The following RNF144A variants were observed in gnomAD, a reference collection of about 807,000 sequenced individuals.
The protein encoded by RNF144A is E3 ubiquitin-protein ligase RNF144A.
A neutral mutation model predicts 38.7 loss-of-function variants in RNF144A; 11 were observed. The observed-to-expected ratio is 0.28, with a 90% CI of 0.18 to 0.47. RNF144A has a LOEUF of 0.47. Among genes scored for constraint, RNF144A ranks in the 20% least tolerant of loss-of-function variants. The probability of loss-of-function intolerance (pLI) is 0.99; values close to 1 mark genes in which losing one functional copy is unlikely to be tolerated. For missense variants in RNF144A, 316 were observed against 377.2 expected, an observed-to-expected ratio of 0.84 and a Z score of 1.34; for synonymous variants, 149 against 143.9, an observed-to-expected ratio of 1.04 and a Z score of -0.25.
chr2:7,039,770 G>A lies in RNF144A; in HGVS notation c.*10G>A, dbSNP rs747788326. 35 of 1,612,156 alleles carry A rather than the reference G, an allele frequency of 2.2e-5. No individual in the cohort carries two copies. Among genetic ancestry groups the A allele is most frequent in the Admixed American group, 2.0e-4 (12 of 59,954 alleles). ...CCCGTTACCCACCTAGAGGAAGCGC[G>A]ATGCTGGAACACATCCCTGCCTCCG... On this transcript the variant is annotated 3_prime_UTR_variant, in exon 9 of 9. Coordinates refer to ENST00000320892, the MANE Select transcript of RNF144A (RefSeq NM_014746.6).
At chr2:6,940,017 G>A (rs577187272) in intron 1 of RNF144A, among the ~76,000 whole-genome samples, 1 of 151,980 alleles carries the variant, frequency 6.6e-6, no homozygotes, top group South Asian at 2.1e-4. Flanking sequence ...TCTTTTCTAG[G>A]TTCTTTTAGC....
chr2:6,964,116 G>T (rs1475105857), intron 2 of RNF144A, among the ~76,000 whole-genome samples: 3 of 147,404 alleles, frequency 2.0e-5, no homozygotes, highest in Admixed American at 2.0e-4. Flanking sequence ...AAGAGAACAC[G>T]TTGGCTTCCA....
chr2:7,029,770 T>G (rs1331275575), intron 7 of RNF144A, among the ~76,000 whole-genome samples: 1 of 152,194 alleles, frequency 6.6e-6, no homozygotes, highest in African/African-American at 2.4e-5. Context: ...ACCTGCGTGT[T>G]CAGTAGCCCT....
intron 3 of RNF144A, among the ~76,000 whole-genome samples, chr2:7,013,390 A>G (rs945235438): frequency 6.6e-6 from 1 of 152,256 alleles, no homozygotes; most frequent in African/African-American, 2.4e-5. Flanking sequence ...AAAATGGATT[A>G]TACGTTTTTG....
intron 8 of RNF144A, among the ~76,000 whole-genome samples, chr2:7,036,350 A>G (rs1379346816): frequency 1.3e-5 from 2 of 152,212 alleles, no homozygotes; most frequent in Non-Finnish European, 2.9e-5. Flanking sequence ...TTTTTAGCCA[A>G]AGGATGGTAT....
chr2:7,072,569 C>T (rs996441452), downstream of RNF144A, among the ~76,000 whole-genome samples: 2 of 152,188 alleles, frequency 1.3e-5, no homozygotes, highest in Non-Finnish European at 2.9e-5. Context: ...CTCTTCCTAC[C>T]CCATTCCATT....
At chr2:7,068,345 C>A (rs181693389), downstream of RNF144A, 193 of 846,398 alleles carry the variant, frequency 2.3e-4, no homozygotes, top group African/African-American at 3.0e-3. Context: ...GTAGTGGCAC[C>A]GTGAAACTTT....
chr2:6,997,813 C>G (rs1187743706), intron 3 of RNF144A, among the ~76,000 whole-genome samples: 1 of 152,036 alleles, frequency 6.6e-6, no homozygotes, highest in African/African-American at 2.4e-5. Flanking sequence ...AGATGTAGGT[C>G]AAAGGGTATG....
At chr2:6,925,788 A>T (rs969421546) in intron 1 of RNF144A, among the ~76,000 whole-genome samples, 2 of 152,150 alleles carry the variant, frequency 1.3e-5, no homozygotes, top group Admixed American at 6.5e-5. Flanking sequence ...CAAACACCCT[A>T]ATAAGGTCAC....
intron 2 of RNF144A, among the ~76,000 whole-genome samples, chr2:6,976,787 G>T (rs1236049316): frequency 1.3e-5 from 2 of 150,694 alleles, no homozygotes; most frequent in Non-Finnish European, 3.0e-5. Flanking sequence ...CCATCATAAT[G>T]AACAGATGGG....
At chr2:6,996,658 G>T in intron 2 of RNF144A, 1 of 407,064 alleles carries the variant, frequency 2.5e-6, no homozygotes, top group Non-Finnish European at 4.6e-6. Flanking sequence ...GGAGGCTGAG[G>T]CAAGAGAATC....
At chr2:7,004,527 T>C (rs1055850487) in intron 3 of RNF144A, among the ~76,000 whole-genome samples, 1 of 152,178 alleles carries the variant, frequency 6.6e-6, no homozygotes, top group Non-Finnish European at 1.5e-5. Context: ...AAGTTCAGGG[T>C]GTCCCTTCCA....
chr2:6,927,546 G>A (rs1171686895), intron 1 of RNF144A, among the ~76,000 whole-genome samples: 1 of 152,212 alleles, frequency 6.6e-6, no homozygotes, highest in Non-Finnish European at 1.5e-5. Flanking sequence ...TCTTCCTTGT[G>A]TAGCAGAAAA....
chr2:6,938,235 T>G (rs771303), intron 1 of RNF144A, among the ~76,000 whole-genome samples: 2 of 116,758 alleles, frequency 1.7e-5, no homozygotes, highest in Non-Finnish European at 3.5e-5. Context: ...CCCCTCCCCC[T>G]CTCCCCTCCC....
chr2:6,953,101 C>G (rs772029628), intron 2 of RNF144A, among the ~76,000 whole-genome samples: 21 of 152,138 alleles, frequency 1.4e-4, no homozygotes, highest in Non-Finnish European at 2.5e-4. Flanking sequence ...TTTTAGCCCT[C>G]TTTTTAAAAT....
At chr2:6,919,716 T>C (rs1664409626) in intron 1 of RNF144A, among the ~76,000 whole-genome samples, 1 of 152,146 alleles carries the variant, frequency 6.6e-6, no homozygotes, top group Non-Finnish European at 1.5e-5. Flanking sequence ...AGAAAATGGG[T>C]GCAAATAACC....
chr2:7,039,634 G>A lies in RNF144A; in HGVS notation c.753G>A (p.Val251=). The A allele has an allele frequency of 6.2e-7, 1 of 1,613,954 alleles. No individual in the cohort carries two copies. Among genetic ancestry groups the A allele is most frequent in the Middle Eastern group, 1.7e-4 (1 of 6,056 alleles). ...CCTTTGTTTCTTTCTTCCAGGTTGTGGGCATTTTTGCAGGATTTGGGCTGC... is the reference window on the plus strand; with the variant it reads ...CCTTTGTTTCTTTCTTCCAGGTTGTAGGCATTTTTGCAGGATTTGGGCTGC... The part of the protein sequence containing the change: ...ASVIWHRTQV[V]GIFAGFGLLL... The change falls in exon 9 of 9, where the codon GTG becomes GTA. Residue 251 remains valine, a synonymous_variant. Coordinates refer to ENST00000320892, the MANE Select transcript of RNF144A (RefSeq NM_014746.6).
At chr2:6,925,902 C>T (rs1664832425) in intron 1 of RNF144A, among the ~76,000 whole-genome samples, 1 of 152,164 alleles carries the variant, frequency 6.6e-6, no homozygotes. Context: ...ACACATGCAT[C>T]AATACACACA....
intron 1 of RNF144A, among the ~76,000 whole-genome samples, chr2:6,940,504 C>T (rs1180121154): frequency 6.6e-5 from 10 of 152,074 alleles, no homozygotes; most frequent in South Asian, 2.1e-4. Context: ...TCTGTTCTTC[C>T]GTTTTGCCTT....
Sources: allele counts gnomAD v4.1 joint callset (sites outside exome capture counted in the v4.1 genomes callset), GRCh38; gene constraint gnomAD v4.1.1; transcripts MANE v1.5; gene names NCBI Gene and HGNC (gene_info 2026-07-23, HGNC 2026-07-21).